CATSPERB: variants seen among roughly 807,000 people sequenced by gnomAD.
CATSPERB encodes catsper channel auxiliary subunit beta.
Under a neutral mutation model 128.3 loss-of-function variants are expected in CATSPERB, and 93 were observed. That is an observed-to-expected ratio of 0.72 (90% CI 0.61 to 0.86). The LOEUF (loss-of-function observed/expected upper bound fraction) is 0.86, where lower values mean the gene tolerates loss of function less well. CATSPERB is among the 40% of genes least tolerant of loss of function. CATSPERB has a pLI of 0.00. For synonymous variants in CATSPERB, 381 were observed against 448.8 expected (o/e 0.85, Z 1.91); for missense variants, 1,153 against 1,329.5 (o/e 0.87, Z 2.06).
intron 15 of CATSPERB, among the ~76,000 whole-genome samples, chr14:91,641,089 T>A (rs1375363151): frequency 7.9e-6 from 1 of 127,138 alleles, no homozygotes; most frequent in Non-Finnish European, 1.7e-5. Context: ...GGTTGTTTGT[T>A]TTTTTCTTGT....
At chr14:91,658,189 G>T (rs1595167599) in intron 15 of CATSPERB, among the ~76,000 whole-genome samples, 1 of 152,060 alleles carries the variant, frequency 6.6e-6, no homozygotes, top group Non-Finnish European at 1.5e-5. Flanking sequence ...ACACAATGGA[G>T]TACTATTCAG....
intron 15 of CATSPERB, among the ~76,000 whole-genome samples, chr14:91,659,569 T>C: frequency 6.6e-6 from 1 of 152,210 alleles, no homozygotes; most frequent in East Asian, 1.9e-4. Context: ...CTGAGCACAA[T>C]TGTAGCTTGA....
intron 22 of CATSPERB, among the ~76,000 whole-genome samples, chr14:91,593,088 G>C (rs567199257): frequency 1.3e-5 from 2 of 152,352 alleles, no homozygotes; most frequent in South Asian, 4.1e-4. Context: ...CAGAAGTCAA[G>C]AACTGAGGTT....
At chr14:91,724,937 AAAATTATTATTTAT>A in intron 3 of CATSPERB, 129 bp downstream of exon 3, 4 of 391,980 alleles carry the variant, frequency 1.0e-5, no homozygotes, top group Middle Eastern at 5.3e-4. Context: ...AAAGATAGAA[AAAATTATTATTTAT>A]ATAGAATTTT....
chr14:91,687,284 G>C (rs998141539), intron 10 of CATSPERB, among the ~76,000 whole-genome samples: 2 of 152,150 alleles, frequency 1.3e-5, no homozygotes, highest in Non-Finnish European at 2.9e-5. Flanking sequence ...TGTTGAAAAT[G>C]CTCATTTCCC....
intron 3 of CATSPERB, among the ~76,000 whole-genome samples, chr14:91,724,306 C>T (rs888255448): frequency 6.6e-6 from 1 of 152,088 alleles, no homozygotes; most frequent in African/African-American, 2.4e-5. Context: ...TCTGTAAGTC[C>T]GTCTTCTTCC....
chr14:91,635,467 G>A (rs931631060), intron 17 of CATSPERB: 4 of 151,816 alleles, frequency 2.6e-5, no homozygotes, highest in African/African-American at 9.7e-5. Flanking sequence ...CGCAACTATT[G>A]TGCCTCGGTC....
At chr14:91,702,531 C>T (rs1377775830) in intron 7 of CATSPERB, among the ~76,000 whole-genome samples, 1 of 151,614 alleles carries the variant, frequency 6.6e-6, no homozygotes, top group Non-Finnish European at 1.5e-5. Flanking sequence ...TAATCTATTG[C>T]TTTATAATAA....
At chr14:91,596,784 A>G (rs1893513743) in intron 22 of CATSPERB, among the ~76,000 whole-genome samples, 1 of 152,202 alleles carries the variant, frequency 6.6e-6, no homozygotes, top group South Asian at 2.1e-4. Flanking sequence ...CATATTTGAC[A>G]ATGCTTCCTG....
At chr14:91,647,198 C>T (rs1894620779) in intron 15 of CATSPERB, among the ~76,000 whole-genome samples, 1 of 152,200 alleles carries the variant, frequency 6.6e-6, no homozygotes, top group Non-Finnish European at 1.5e-5. Context: ...TTTTCCTACT[C>T]ACTTAACAAG....
intron 1 of CATSPERB, among the ~76,000 whole-genome samples, 160 bp from the exon 2 acceptor site, chr14:91,729,639 T>C (rs534105966): frequency 3.0e-4 from 46 of 152,354 alleles, no homozygotes; most frequent in African/African-American, 1.1e-3. Context: ...GCCTAAACTC[T>C]AAATTTACTC....
intron 10 of CATSPERB, among the ~76,000 whole-genome samples, chr14:91,690,241 C>T (rs1188649208): frequency 6.6e-6 from 1 of 152,216 alleles, no homozygotes; most frequent in East Asian, 1.9e-4. Context: ...GATCCACCCG[C>T]CTCAGCCTCC....
At chr14:91,592,180 G>A in intron 22 of CATSPERB, 178 bp from the exon 23 acceptor site, 2 of 602,574 alleles carry the variant, frequency 3.3e-6, no homozygotes, top group Non-Finnish European at 5.8e-6. Context: ...CTGAATTTTA[G>A]TTGCCCCCTT....
chr14:91,687,057 A>C (rs756378440), intron 10 of CATSPERB, among the ~76,000 whole-genome samples: 22 of 152,160 alleles, frequency 1.4e-4, no homozygotes, highest in Non-Finnish European at 2.2e-4. Flanking sequence ...AAGGAAGAAA[A>C]GTATATATAT....
intron 20 of CATSPERB, among the ~76,000 whole-genome samples, chr14:91,615,551 T>C (rs1336391256): frequency 2.0e-5 from 3 of 152,260 alleles, no homozygotes; most frequent in Admixed American, 2.0e-4. Flanking sequence ...GTGGTATTTA[T>C]CTTTCTGTGT....
At chr14:91,601,334 A>G (rs1349915789) in intron 22 of CATSPERB, among the ~76,000 whole-genome samples, 2 of 152,374 alleles carry the variant, frequency 1.3e-5, no homozygotes, top group African/African-American at 2.4e-5. Context: ...AATACAAGAT[A>G]GGAAAATCAG....
intron 6 of CATSPERB, among the ~76,000 whole-genome samples, chr14:91,705,219 G>T (rs1379057196): frequency 2.0e-5 from 3 of 151,978 alleles, no homozygotes; most frequent in African/African-American, 7.3e-5. Context: ...ATTTGCCACA[G>T]GATCTATCTG....
chr14:91,692,954 T>C (rs758091231), intron 9 of CATSPERB, among the ~76,000 whole-genome samples, 172 bp downstream of exon 9: 37 of 152,224 alleles, frequency 2.4e-4, no homozygotes, highest in Non-Finnish European at 5.3e-4. Context: ...AATTATATAT[T>C]CAATACTACG....
intron 9 of CATSPERB, among the ~76,000 whole-genome samples, chr14:91,692,134 G>A (rs546390073): frequency 7.0e-6 from 1 of 142,678 alleles, no homozygotes; most frequent in African/African-American, 2.6e-5. Context: ...CTGAGATCAC[G>A]CCACTGCACT....
Sources: gnomAD v4.1 joint callset for allele counts (sites outside exome capture counted in the v4.1 genomes callset) on GRCh38, gnomAD v4.1.1 for gene constraint, MANE v1.5 for transcripts, NCBI Gene and HGNC (gene_info 2026-07-23, HGNC 2026-07-21) for gene names.